The following FANCL variants were observed in gnomAD, a reference collection of about 807,000 sequenced individuals.
The protein encoded by FANCL is E3 ubiquitin-protein ligase FANCL.
FANCL carries 69 observed loss-of-function variants against 59.4 expected under a neutral mutation model. That is an observed-to-expected ratio of 1.16 (90% CI 0.96 to 1.42). FANCL has a LOEUF of 1.42. FANCL is among the 40% of genes most tolerant of loss of function. The pLI, the probability that FANCL is intolerant of heterozygous loss-of-function variation, is 0.00. For synonymous variants in FANCL, 180 were observed against 147.1 expected (o/e 1.22, Z -1.62); for missense variants, 519 against 447.2 (o/e 1.16, Z -1.45).
intron 6 of FANCL, 98 bp from the exon 7 acceptor site, chr2:58,198,760 T>G (rs895668201): frequency 1.2e-5 from 11 of 901,926 alleles, no homozygotes; most frequent in African/African-American, 1.0e-4. Context: ...CCGGGCGCGG[T>G]GGCTCACGCC....
At chr2:58,240,299 T>C (rs893544400) in intron 1 of FANCL, among the ~76,000 whole-genome samples, 1 of 152,224 alleles carries the variant, frequency 6.6e-6, no homozygotes, top group Non-Finnish European at 1.5e-5. Flanking sequence ...CATATGGTAA[T>C]TCCACATATA....
chr2:58,226,101 T>C (rs1449214928), intron 4 of FANCL, among the ~76,000 whole-genome samples: 2 of 152,086 alleles, frequency 1.3e-5, no homozygotes, highest in Non-Finnish European at 2.9e-5. Flanking sequence ...TACTATGGTG[T>C]CTTTCTTCTA....
At chr2:58,198,747 G>C (rs931330313) in intron 6 of FANCL, 85 bp from the exon 7 acceptor site, 1 of 1,098,938 alleles carries the variant, frequency 9.1e-7, no homozygotes, top group African/African-American at 1.6e-5. Context: ...GATGTATTAG[G>C]GGCCGGGCGC....
chr2:58,224,862 T>C (rs1331689523), intron 4 of FANCL, among the ~76,000 whole-genome samples: 3 of 151,998 alleles, frequency 2.0e-5, no homozygotes, highest in African/African-American at 7.2e-5. Flanking sequence ...TAAATATCAA[T>C]ACAAACTCAT....
chr2:58,205,454 A>T (rs1342486893), intron 5 of FANCL, among the ~76,000 whole-genome samples: 1 of 152,100 alleles, frequency 6.6e-6, no homozygotes, highest in Admixed American at 6.6e-5. Context: ...TCCAAAAAAA[A>T]TTAGAATGTC....
intron 12 of FANCL, among the ~76,000 whole-genome samples, chr2:58,160,897 G>GC (rs915493754): frequency 6.6e-6 from 1 of 151,904 alleles, no homozygotes; most frequent in African/African-American, 2.4e-5. Context: ...ACATACAATT[G>GC]CAAGGTGTTC....
chr2:58,198,805 G>A (rs568270655), intron 6 of FANCL, 143 bp from the exon 7 acceptor site: 24 of 641,408 alleles, frequency 3.7e-5, no homozygotes, highest in Middle Eastern at 4.3e-4. Context: ...CGAGGCGGGC[G>A]GATCACAAGG....
At chr2:58,167,129 T>C (rs752399043) in intron 7 of FANCL, among the ~76,000 whole-genome samples, 7 of 152,186 alleles carry the variant, frequency 4.6e-5, no homozygotes, top group Non-Finnish European at 1.0e-4. Context: ...GGAGAATCAC[T>C]TGAACCCGGG....
intron 9 of FANCL, 171 bp from the exon 10 acceptor site, chr2:58,163,245 A>G (rs1369668353): frequency 1.9e-5 from 14 of 742,622 alleles, no homozygotes; most frequent in South Asian, 1.6e-4. Flanking sequence ...GTCATTTAAA[A>G]TAACTATCAT....
intron 6 of FANCL, 47 bp from the exon 7 acceptor site, chr2:58,198,709 A>G (rs1037139764): frequency 1.2e-5 from 18 of 1,448,722 alleles, no homozygotes; most frequent in South Asian, 2.3e-5. Flanking sequence ...CTGTGTGTTA[A>G]TATCACTGAG....
At chr2:58,177,154 G>A (rs1687416201) in intron 7 of FANCL, among the ~76,000 whole-genome samples, 1 of 152,166 alleles carries the variant, frequency 6.6e-6, no homozygotes, top group South Asian at 2.1e-4. Context: ...AGGATGTGGA[G>A]AAATAGGAAC....
intron 2 of FANCL, among the ~76,000 whole-genome samples, chr2:58,231,138 T>G: frequency 6.6e-6 from 1 of 152,306 alleles, no homozygotes; most frequent in East Asian, 1.9e-4. Context: ...AGTCTCCTTG[T>G]AAGTTCCTCT....
At chr2:58,219,017 C>T (rs1458911733) in intron 5 of FANCL, among the ~76,000 whole-genome samples, 1 of 150,524 alleles carries the variant, frequency 6.6e-6, no homozygotes, top group African/African-American at 2.4e-5. Context: ...ATAGTGCCCA[C>T]ATCCTAGTTT....
At chr2:58,241,117 C>A (rs1694501692) in intron 1 of FANCL, 101 bp downstream of exon 1, 1 of 1,287,414 alleles carries the variant, frequency 7.8e-7, no homozygotes, top group East Asian at 2.4e-5. Flanking sequence ...TCTCAATCCC[C>A]ACAAGTCTGG....
intron 5 of FANCL, among the ~76,000 whole-genome samples, chr2:58,219,162 AAAAAAAAAAATATATATATATATAT>A (rs1226399591): frequency 3.2e-5 from 3 of 94,074 alleles, no homozygotes; most frequent in African/African-American, 2.0e-4. Context: ...AAAAAAAAAA[AAAAAAAAAAATATATATATATATAT>A]ATATATATAT....
intron 11 of FANCL, 87 bp from the exon 12 acceptor site, chr2:58,161,725 G>T: frequency 2.4e-6 from 2 of 816,554 alleles, no homozygotes; most frequent in Non-Finnish European, 2.1e-6. Flanking sequence ...GTGATATTTT[G>T]ATACATGTAT....
chr2:58,234,210 A>G (rs1693819910), intron 1 of FANCL, among the ~76,000 whole-genome samples: 1 of 152,068 alleles, frequency 6.6e-6, no homozygotes, highest in Non-Finnish European at 1.5e-5. Flanking sequence ...AGAAACCATA[A>G]ACAAATTATA....
At chr2:58,186,721 T>C (rs1444522504) in intron 7 of FANCL, among the ~76,000 whole-genome samples, 6 of 152,136 alleles carry the variant, frequency 3.9e-5, no homozygotes, top group Non-Finnish European at 1.5e-5. Context: ...GCATCCTTGG[T>C]CTTACAGCAT....
intron 5 of FANCL, among the ~76,000 whole-genome samples, chr2:58,204,831 T>C (rs1043041901): frequency 6.6e-6 from 1 of 152,126 alleles, no homozygotes; most frequent in African/African-American, 2.4e-5. Context: ...GTATTCAAGA[T>C]GACTAATATT....
Sources: allele counts gnomAD v4.1 joint callset (sites outside exome capture counted in the v4.1 genomes callset), GRCh38; gene constraint gnomAD v4.1.1; transcripts MANE v1.5; gene names NCBI Gene and HGNC (gene_info 2026-07-23, HGNC 2026-07-21).